The following PCED1B variants were observed in gnomAD, a reference collection of about 807,000 sequenced individuals.
The protein encoded by PCED1B is PC-esterase domain containing 1B, also known as PC-esterase domain-containing protein 1B.
For synonymous variants in PCED1B, 251 were observed against 246.1 expected (o/e 1.02, Z -0.19); for missense variants, 573 against 573.9 (o/e 1.00, Z 0.02).
intron 2 of PCED1B, among the ~76,000 whole-genome samples, chr12:47,193,607 C>A (rs1265149882): frequency 6.6e-6 from 1 of 152,176 alleles, no homozygotes; most frequent in African/African-American, 2.4e-5. Context: ...CTTACAATTT[C>A]CCTCAGAGAC....
At chr12:47,196,646 G>A (rs991460501) in intron 2 of PCED1B, among the ~76,000 whole-genome samples, 3 of 152,070 alleles carry the variant, frequency 2.0e-5, no homozygotes, top group Admixed American at 6.6e-5. Flanking sequence ...TGGCCAACAC[G>A]GTAAAACCCC....
At chr12:47,137,851 C>T (rs1166042809) in intron 2 of PCED1B, among the ~76,000 whole-genome samples, 1 of 151,960 alleles carries the variant, frequency 6.6e-6, no homozygotes, top group Non-Finnish European at 1.5e-5. Context: ...ATCTACATCG[C>T]TTCCAGAGAT....
At chr12:47,229,654 CCATCAG>C (rs1324277228) in intron 3 of PCED1B, among the ~76,000 whole-genome samples, 2 of 152,258 alleles carry the variant, frequency 1.3e-5, no homozygotes, top group Non-Finnish European at 1.5e-5. Context: ...GTGCATTGAA[CCATCAG>C]AAAGCAAAGG....
At chr12:47,093,339 A>T (rs1468883528) in intron 1 of PCED1B, among the ~76,000 whole-genome samples, 1 of 150,796 alleles carries the variant, frequency 6.6e-6, no homozygotes, top group African/African-American at 2.4e-5. Flanking sequence ...CTCCTTTTTC[A>T]TTGCTGTTGT....
chr12:47,163,228 T>A (rs11833039), intron 2 of PCED1B, among the ~76,000 whole-genome samples: 1 of 152,238 alleles, frequency 6.6e-6, no homozygotes, highest in Admixed American at 6.5e-5. Context: ...TCATTTTTAG[T>A]GTATAGAAAT....
At chr12:47,150,502 C>T (rs929876166) in intron 2 of PCED1B, among the ~76,000 whole-genome samples, 10 of 151,486 alleles carry the variant, frequency 6.6e-5, no homozygotes, top group African/African-American at 1.9e-4. Context: ...TGCTTGAACC[C>T]GGGAAGCAGA....
chr12:47,183,069 A>T (rs1394288923), intron 2 of PCED1B, among the ~76,000 whole-genome samples: 1 of 151,966 alleles, frequency 6.6e-6, no homozygotes, highest in Admixed American at 6.6e-5. Flanking sequence ...TACCATTTGG[A>T]AAACAGGTGA....
chr12:47,168,562 T>G (rs1941619430), intron 2 of PCED1B, among the ~76,000 whole-genome samples: 1 of 152,156 alleles, frequency 6.6e-6, no homozygotes, highest in South Asian at 2.1e-4. Context: ...CTTGGTTTTG[T>G]TTTCTTTTTC....
At chr12:47,228,695 C>T (rs1943707619) in intron 3 of PCED1B, among the ~76,000 whole-genome samples, 6 of 151,866 alleles carry the variant, frequency 4.0e-5, no homozygotes, top group Admixed American at 2.0e-4. Context: ...AATGGTGAAA[C>T]CCCGTCTCTA....
chr12:47,196,974 A>T lies in PCED1B; in HGVS notation c.-525-19248A>T, dbSNP rs1942620784. 3.3e-5 allele frequency among the ~76,000 whole-genome samples: 5 copies of T among 152,022 alleles called. No homozygotes were observed. The South Asian group carries it at 1.0e-3, about 32-fold the overall frequency. On this transcript the variant is annotated intron_variant, in intron 2 of 3. Coordinates refer to ENST00000546455, the MANE Select transcript of PCED1B (RefSeq NM_138371.3). The stretch of plus-strand genomic sequence containing the variant: ...ACACTTAATATGTAATAATCCTTAG[A>T]TAAAATAGAAAAGTAGGCAAAGTAC...
At chr12:47,198,830 G>C (rs933331565) in intron 2 of PCED1B, among the ~76,000 whole-genome samples, 1 of 152,006 alleles carries the variant, frequency 6.6e-6, no homozygotes, top group South Asian at 2.1e-4. Flanking sequence ...GCCAGACATG[G>C]TTGCACATGC....
At chr12:47,234,871 G>A in intron 3 of PCED1B, 136 bp from the exon 4 acceptor site, 1 of 428,328 alleles carries the variant, frequency 2.3e-6, no homozygotes, top group African/African-American at 2.0e-5. Context: ...CCTGTTATGC[G>A]GGCACTCCAG....
chr12:47,235,421 A>G lies in PCED1B; in HGVS notation c.358A>G (p.Ile120Val). ...GGGCGAGCACGCCCCCGACCTGGTC[A>G]TCATGAATTCCTGCCTCTGGGACAT... ...QSGEHAPDLV[I>V]MNSCLWDISR... The change falls in exon 4 of 4, where the codon ATC (isoleucine) becomes GTC (valine). Residue 120 changes from isoleucine to valine, a missense_variant. Physicochemically the swap from Ile to Val is conservative, Grantham distance 29 (BLOSUM62 3). Coordinates refer to ENST00000546455, the MANE Select transcript of PCED1B (RefSeq NM_138371.3). 1.9e-6 allele frequency: 3 copies of G among 1,614,194 alleles called. No individual in the cohort carries two copies. Among genetic ancestry groups the G allele is most frequent in the Non-Finnish European group, 1.7e-6 (2 of 1,180,028 alleles).
chr12:47,169,348 G>A (rs1941644653), intron 2 of PCED1B, among the ~76,000 whole-genome samples: 1 of 152,142 alleles, frequency 6.6e-6, no homozygotes, highest in African/African-American at 2.4e-5. Context: ...GTATCAGGAA[G>A]GTACCTCTCA....
intron 2 of PCED1B, among the ~76,000 whole-genome samples, chr12:47,176,044 C>G (rs540669186): frequency 1.3e-5 from 2 of 151,694 alleles, no homozygotes; most frequent in Non-Finnish European, 2.9e-5. Context: ...TTAATACTGG[C>G]ATGCCCTAGC....
intron 2 of PCED1B, among the ~76,000 whole-genome samples, chr12:47,139,910 A>G (rs1217340731): frequency 2.6e-5 from 4 of 152,048 alleles, no homozygotes; most frequent in Non-Finnish European, 5.9e-5. Context: ...TGTATAGTAT[A>G]TAGTGTGTAC....
chr12:47,234,947 T>C, intron 3 of PCED1B, 60 bp from the exon 4 acceptor site: 1 of 940,952 alleles, frequency 1.1e-6, no homozygotes, highest in South Asian at 2.5e-5. Flanking sequence ...ACCCCCAACC[T>C]GCACTGGGCG....
chr12:47,080,828 C>G (rs775609822), intron 1 of PCED1B, among the ~76,000 whole-genome samples: 3 of 152,118 alleles, frequency 2.0e-5, no homozygotes, highest in Admixed American at 6.6e-5. Flanking sequence ...TCTCCTTTCT[C>G]TTTCGTTCTC....
intron 2 of PCED1B, among the ~76,000 whole-genome samples, chr12:47,179,760 G>A (rs947106692): frequency 1.3e-5 from 2 of 151,858 alleles, no homozygotes; most frequent in Non-Finnish European, 2.9e-5. Flanking sequence ...CCTTTGTCAG[G>A]TACTCTTCTA....
Sources: gnomAD v4.1 joint callset for allele counts (sites outside exome capture counted in the v4.1 genomes callset) on GRCh38, gnomAD v4.1.1 for gene constraint, MANE v1.5 for transcripts, NCBI Gene and HGNC (gene_info 2026-07-23, HGNC 2026-07-21) for gene names.